Variants in CLTC observed in about 807,000 individuals in gnomAD.
The protein encoded by CLTC is clathrin heavy chain.
Under a neutral mutation model 195.8 loss-of-function variants are expected in CLTC, and 16 were observed. That is an observed-to-expected ratio of 0.08 (90% CI 0.06 to 0.12). The LOEUF is 0.12. Ranked by LOEUF, CLTC falls within the 10% of genes least tolerant of loss-of-function variation. CLTC has a pLI of 1.00. For missense variants in CLTC, 796 were observed against 2,027.0 expected (o/e 0.39, Z 11.66); for synonymous variants, 667 against 689.4 (o/e 0.97, Z 0.51).
intron 16 of CLTC, among the ~76,000 whole-genome samples, chr17:59,675,232 CAG>C (rs2032940353): frequency 6.6e-6 from 1 of 152,034 alleles, no homozygotes; most frequent in African/African-American, 2.4e-5. Flanking sequence ...TTAAAAAAAA[CAG>C]TGTGGTGTTT....
At chr17:59,672,217 CAT>C (rs1477817144) in intron 14 of CLTC, among the ~76,000 whole-genome samples, 1 of 152,064 alleles carries the variant, frequency 6.6e-6, no homozygotes, top group Non-Finnish European at 1.5e-5. Flanking sequence ...TGTATAAAAT[CAT>C]GTGCAAATTT....
At chr17:59,656,358 C>T (rs2032464585) in intron 6 of CLTC, 1 of 163,860 alleles carries the variant, frequency 6.1e-6, no homozygotes, top group African/African-American at 2.4e-5. Flanking sequence ...AAGTGATTCC[C>T]CATGCAAAGA....
chr17:59,653,780 T>C (rs2032391891), intron 5 of CLTC, among the ~76,000 whole-genome samples: 1 of 146,918 alleles, frequency 6.8e-6, no homozygotes, highest in South Asian at 2.1e-4. Flanking sequence ...TGGCTGGTCT[T>C]TTTTTTTTTT....
At chr17:59,627,853 A>G (rs1006144689) in intron 1 of CLTC, among the ~76,000 whole-genome samples, 2 of 152,182 alleles carry the variant, frequency 1.3e-5, no homozygotes, top group Non-Finnish European at 2.9e-5. Context: ...GTCTGAAGCC[A>G]CTTGTGAAAG....
chr17:59,657,767 C>CAA (rs995771746), intron 6 of CLTC, among the ~76,000 whole-genome samples: 2,496 of 60,448 alleles, frequency 0.041, 39 homozygotes, highest in Non-Finnish European at 0.06. Context: ...GACTCTGTCT[C>CAA]AAAAAAAAAA....
chr17:59,674,205 G>A (rs779456801), intron 15 of CLTC, among the ~76,000 whole-genome samples: 2 of 151,950 alleles, frequency 1.3e-5, no homozygotes, highest in Non-Finnish European at 2.9e-5. Flanking sequence ...TGCTATTATT[G>A]AAAAAGTTGG....
chr17:59,676,431 C>T (rs550237047), intron 16 of CLTC, among the ~76,000 whole-genome samples: 1 of 152,296 alleles, frequency 6.6e-6, no homozygotes, highest in Admixed American at 6.5e-5. Flanking sequence ...TATGTAATAT[C>T]ACATCCCCAT....
chr17:59,651,499 T>C (rs978278991), intron 5 of CLTC, among the ~76,000 whole-genome samples, 183 bp downstream of exon 5: 1 of 152,182 alleles, frequency 6.6e-6, no homozygotes, highest in South Asian at 2.1e-4. Flanking sequence ...TTAGGCCTAT[T>C]ATGAGGTTTG....
At chr17:59,630,172 TG>T (rs2031669695) in intron 1 of CLTC, among the ~76,000 whole-genome samples, 1 of 152,150 alleles carries the variant, frequency 6.6e-6, no homozygotes, top group Non-Finnish European at 1.5e-5. Flanking sequence ...AGCCAATTTT[TG>T]TATTTTTTTG....
chr17:59,692,052 C>T (rs1387041339), intron 31 of CLTC, among the ~76,000 whole-genome samples: 1 of 152,184 alleles, frequency 6.6e-6, no homozygotes, highest in African/African-American at 2.4e-5. Flanking sequence ...GGTGCAGTGG[C>T]TCACGCCTGT....
chr17:59,679,348 AAAGTCC>A, intron 17 of CLTC, 43 bp from the exon 18 acceptor site: 1 of 1,490,010 alleles, frequency 6.7e-7, no homozygotes, highest in Non-Finnish European at 9.1e-7. Context: ...AATGCTATAA[AAAGTCC>A]TTTACTTTTT....
At chr17:59,627,311 C>T (rs2031581377) in intron 1 of CLTC, among the ~76,000 whole-genome samples, 1 of 152,198 alleles carries the variant, frequency 6.6e-6, no homozygotes, top group East Asian at 1.9e-4. Flanking sequence ...GTGCCAAGAA[C>T]TGTATTAAAT....
chr17:59,662,122 G>A (rs1567955110), intron 8 of CLTC, among the ~76,000 whole-genome samples: 1 of 151,752 alleles, frequency 6.6e-6, no homozygotes, highest in Non-Finnish European at 1.5e-5. Flanking sequence ...AAAAAAGTTG[G>A]ATCTTAGTAA....
chr17:59,640,800 AAT>A (rs1272751005), intron 1 of CLTC, among the ~76,000 whole-genome samples: 1 of 152,010 alleles, frequency 6.6e-6, no homozygotes, highest in Non-Finnish European at 1.5e-5. Flanking sequence ...GTGCTTTTTT[AAT>A]ATGTTTAAAC....
chr17:59,630,987 T>G (rs1188126883), intron 1 of CLTC, among the ~76,000 whole-genome samples: 2 of 152,252 alleles, frequency 1.3e-5, no homozygotes, highest in African/African-American at 4.8e-5. Context: ...GAAACCGTTT[T>G]CCACAGTGGT....
chr17:59,671,531 G>C (rs1480899150), intron 14 of CLTC, among the ~76,000 whole-genome samples: 1 of 152,130 alleles, frequency 6.6e-6, no homozygotes, highest in African/African-American at 2.4e-5. Flanking sequence ...TCTCCTTTAA[G>C]GTACCCTGTG....
rs937920967 is a variant in CLTC, at chr17:59,686,602, T to C, written c.4827+794T>C. Among the ~76,000 whole-genome samples the C allele has an allele frequency of 2.0e-5, 3 of 152,270 alleles. No individual in the cohort carries two copies. In the East Asian group the frequency reaches 5.8e-4, roughly 29 times the overall value. ...CAGGATACCATTTAATTAGATACCA[T>C]TGTGTCTGTTTAAAGTTTTTAAAGA... On this transcript the variant is annotated intron_variant, in intron 30 of 31. Coordinates refer to ENST00000269122, the MANE Select transcript of CLTC (RefSeq NM_004859.4).
In CLTC at chr17:59,696,330, G is replaced by T; in HGVS notation, c.*2478G>T. The T allele has an allele frequency of 4.5e-6, 1 of 221,136 alleles. No homozygotes were observed. Among genetic ancestry groups the T allele is most frequent in the Non-Finnish European group, 9.0e-6 (1 of 110,536 alleles). 13.7% of individuals were successfully genotyped at this position (221,136 alleles called of 1,614,324 possible). On this transcript the variant is annotated 3_prime_UTR_variant, in exon 32 of 32. Transcript: ENST00000269122. Reference sequence around the variant, plus strand: ...TAGAAATTTCAAGGCTGTCTTTAGTGTTCTGCCCACAATACTCCACCAATG... The same window carrying T: ...TAGAAATTTCAAGGCTGTCTTTAGTTTTCTGCCCACAATACTCCACCAATG...
At chr17:59,644,531 T>G (rs1040278625) in intron 2 of CLTC, 48 bp downstream of exon 2, 40 of 1,343,326 alleles carry the variant, frequency 3.0e-5, no homozygotes, top group Non-Finnish European at 3.6e-5. Flanking sequence ...ATGTTTTTGT[T>G]TTTTTTTGTT....
Sources: allele counts gnomAD v4.1 joint callset (sites outside exome capture counted in the v4.1 genomes callset), GRCh38; gene constraint gnomAD v4.1.1; transcripts MANE v1.5; gene names NCBI Gene and HGNC (gene_info 2026-07-23, HGNC 2026-07-21).